WWC1: variants seen among roughly 807,000 people sequenced by gnomAD.
WWC1 encodes the protein WW and C2 domain containing 1.
In WWC1, 55 loss-of-function variants were observed where a neutral mutation model predicts 138.4. The ratio of observed to expected loss-of-function variants is 0.40; its 90% CI spans 0.32 to 0.50. WWC1 has a LOEUF of 0.50. WWC1 is among the 20% of genes least tolerant of loss of function. The probability of loss-of-function intolerance (pLI) is 0.72; values close to 1 mark genes in which losing one functional copy is unlikely to be tolerated. For missense variants in WWC1, 1,226 were observed against 1,420.4 expected, an observed-to-expected ratio of 0.86 and a Z score of 2.20; for synonymous variants, 524 against 564.9, an observed-to-expected ratio of 0.93 and a Z score of 1.03.
chr5:168,406,319 C>G lies in WWC1; in HGVS notation c.712C>G (p.Leu238Val). 6.2e-7 allele frequency: 1 copy of G among 1,613,778 alleles called. No individual in the cohort carries two copies. Among genetic ancestry groups the G allele is most frequent in the Non-Finnish European group, 8.5e-7 (1 of 1,179,778 alleles). ...ITCGEKEKQDLIKSLAMLKDG... is the reference protein window; with the variant it reads ...ITCGEKEKQDVIKSLAMLKDG... ...CTGTGGGGAAAAGGAAAAGCAAGATCTCATTAAGGTATGCAAGTTCCTGTT... is the reference window on the plus strand; with the variant it reads ...CTGTGGGGAAAAGGAAAAGCAAGATGTCATTAAGGTATGCAAGTTCCTGTT... The change falls in exon 6 of 23, where the codon CTC becomes GTC. Residue 238 changes from leucine to valine, a missense_variant. By Grantham distance (32) the Leu-to-Val change is conservative. Transcript: ENST00000265293.
chr5:168,381,620 C>A (rs570737495), intron 2 of WWC1, among the ~76,000 whole-genome samples: 5 of 152,176 alleles, frequency 3.3e-5, no homozygotes, highest in African/African-American at 1.2e-4. Flanking sequence ...CCGGGTGATT[C>A]TAATGTTCAA....
At chr5:168,411,517 T>C (rs1305812114) in intron 8 of WWC1, 1 of 152,204 alleles carries the variant, frequency 6.6e-6, no homozygotes, top group Non-Finnish European at 1.5e-5. Context: ...AGTCCTGAGA[T>C]ACCTAGCTTC....
At chr5:168,390,222 T>C (rs1259311981) in intron 3 of WWC1, among the ~76,000 whole-genome samples, 1 of 152,218 alleles carries the variant, frequency 6.6e-6, no homozygotes, top group Non-Finnish European at 1.5e-5. Context: ...TTAACAAATG[T>C]AAAGTCCTTG....
chr5:168,424,289 C>T (rs1024588568), intron 11 of WWC1, among the ~76,000 whole-genome samples: 14 of 152,210 alleles, frequency 9.2e-5, no homozygotes, highest in African/African-American at 3.4e-4. Flanking sequence ...CTCCAACAGA[C>T]ATTTAGCACC....
chr5:168,302,578 A>G (rs1445291576), intron 1 of WWC1, among the ~76,000 whole-genome samples: 3 of 152,084 alleles, frequency 2.0e-5, no homozygotes, highest in African/African-American at 4.8e-5. Context: ...TCAAGAGCCT[A>G]TTGTGGTGAG....
At chr5:168,302,193 G>A (rs566640789) in intron 1 of WWC1, among the ~76,000 whole-genome samples, 2 of 152,282 alleles carry the variant, frequency 1.3e-5, no homozygotes, top group South Asian at 4.1e-4. Flanking sequence ...TCCCTTTTGC[G>A]CTGTTTGAGA....
chr5:168,337,175 A>G (rs1773549204), intron 1 of WWC1, among the ~76,000 whole-genome samples: 1 of 152,090 alleles, frequency 6.6e-6, no homozygotes, highest in Non-Finnish European at 1.5e-5. Context: ...TCCTGCAATC[A>G]TTGGGGACCT....
chr5:168,433,540 A>G (rs903901820), intron 15 of WWC1, among the ~76,000 whole-genome samples: 14 of 151,810 alleles, frequency 9.2e-5, no homozygotes, highest in Non-Finnish European at 1.8e-4. Flanking sequence ...CTTTACATGC[A>G]TTATCTGTTT....
chr5:168,343,619 C>T (rs982429031), intron 1 of WWC1, among the ~76,000 whole-genome samples: 1 of 151,956 alleles, frequency 6.6e-6, no homozygotes, highest in Non-Finnish European at 1.5e-5. Flanking sequence ...GTCAAGAGGT[C>T]AAGACCATCC....
intron 15 of WWC1, among the ~76,000 whole-genome samples, chr5:168,438,441 C>T (rs1262387402): frequency 6.6e-6 from 1 of 152,180 alleles, no homozygotes; most frequent in Admixed American, 6.5e-5. Context: ...GAAGTGTTTG[C>T]TTCCCCTTCT....
chr5:168,465,548 CTTTTTTTTTTT>C (rs10527141), intron 21 of WWC1, among the ~76,000 whole-genome samples: 7 of 46,930 alleles, frequency 1.5e-4, no homozygotes, highest in Admixed American at 3.4e-4. Flanking sequence ...ATCAGCTGGG[CTTTTTTTTTTT>C]TTTTTTTTTT....
intron 5 of WWC1, among the ~76,000 whole-genome samples, chr5:168,401,044 G>C (rs2152832476): frequency 6.6e-6 from 1 of 151,248 alleles, no homozygotes; most frequent in East Asian, 1.9e-4. Flanking sequence ...AGGAGAGAGA[G>C]AGAAAGCAAG....
At position 168,292,100 on chromosome 5, in the gene WWC1, G is replaced by A; in HGVS notation, c.-53G>A. ...AAGAGCGGCCGGCTGGAGCCGCTGA[G>A]CCCCCGCTGCGGCCGGGAGCTGCAT... is the stretch of plus-strand genomic sequence containing the variant. On this transcript the variant is annotated 5_prime_UTR_variant, in exon 1 of 23. Coordinates refer to ENST00000265293, the MANE Select transcript of WWC1 (RefSeq NM_015238.3). This position sits in a 1 kb window ranked among gnomAD's most constrained non-coding sequence, Gnocchi z 4.4. The A allele has an allele frequency of 6.1e-6, 9 of 1,479,774 alleles. No homozygotes were observed. Among genetic ancestry groups the A allele is most frequent in the Non-Finnish European group, 8.1e-6 (9 of 1,116,868 alleles). The allele number at this position is 1,479,774 out of a possible 1,614,324, so 91.7% of individuals were successfully genotyped here.
chr5:168,331,268 T>C (rs1325413051), intron 1 of WWC1, among the ~76,000 whole-genome samples: 4 of 152,242 alleles, frequency 2.6e-5, no homozygotes, highest in Non-Finnish European at 4.4e-5. Context: ...CAGTAGTTTA[T>C]ATGTTTAAAG....
intron 19 of WWC1, 152 bp downstream of exon 19, chr5:168,455,672 G>T: frequency 1.1e-6 from 1 of 951,704 alleles, no homozygotes; most frequent in Non-Finnish European, 1.5e-6. Flanking sequence ...GAGTTCACGG[G>T]CCTACTTCAT....
At chr5:168,447,011 C>T (rs571633779) in intron 17 of WWC1, among the ~76,000 whole-genome samples, 7 of 152,070 alleles carry the variant, frequency 4.6e-5, no homozygotes, top group South Asian at 2.1e-4. Context: ...TGTTTCTGAC[C>T]GGTAAGACCT....
chr5:168,340,026 C>A (rs56401901), intron 1 of WWC1, among the ~76,000 whole-genome samples: 1 of 132,658 alleles, frequency 7.5e-6, no homozygotes, highest in Non-Finnish European at 1.5e-5. Context: ...TTCTTTCTTT[C>A]CTTTCTTTCC....
At chr5:168,356,191 T>A (rs999860408) in intron 1 of WWC1, among the ~76,000 whole-genome samples, 1 of 152,258 alleles carries the variant, frequency 6.6e-6, no homozygotes, top group Non-Finnish European at 1.5e-5. Context: ...TTCTGCCGAC[T>A]AGATTCATTA....
In WWC1 at chr5:168,392,585, C is replaced by T. The variant is rs1202515165; in HGVS notation, c.434-5139C>T. ...GCAAGCACCTGTAGTCCCAGCTATT[C>T]AGTAGGCTGAGGCAGGAGGATTCCC... On this transcript the variant is annotated intron_variant, in intron 3 of 22. Transcript: ENST00000265293. Among the ~76,000 whole-genome samples, 3 of 152,124 alleles carry T rather than the reference C, an allele frequency of 2.0e-5. No homozygotes were observed. The East Asian group carries it at 5.8e-4, about 29-fold the overall frequency.
Sources: gnomAD v4.1 joint callset for allele counts (sites outside exome capture counted in the v4.1 genomes callset) on GRCh38, gnomAD v4.1.1 for gene constraint, Gnocchi (gnomAD v3.1) non-coding constraint, MANE v1.5 for transcripts, NCBI Gene and HGNC (gene_info 2026-07-23, HGNC 2026-07-21) for gene names.